Variants in IDH3A observed in about 807,000 individuals in gnomAD.
IDH3A encodes isocitrate dehydrogenase (NAD(+)) 3 catalytic subunit alpha.
Under a neutral mutation model 43.3 loss-of-function variants are expected in IDH3A, and 23 were observed. The observed-to-expected ratio is 0.53, with a 90% CI of 0.38 to 0.75. The LOEUF (loss-of-function observed/expected upper bound fraction) is 0.75, where lower values mean the gene tolerates loss of function less well. IDH3A is among the 30% of genes least tolerant of loss of function. The pLI is 0.00. For synonymous variants in IDH3A, 154 were observed against 163.5 expected (o/e 0.94, Z 0.44); for missense variants, 329 against 474.4 (o/e 0.69, Z 2.85).
intron 10 of IDH3A, among the ~76,000 whole-genome samples, chr15:78,166,852 G>A (rs1489594821): frequency 2.6e-5 from 4 of 151,926 alleles, no homozygotes; most frequent in South Asian, 2.1e-4. Flanking sequence ...GGTTGGTCTC[G>A]AACTCCTGAG....
intron 2 of IDH3A, 23 bp downstream of exon 2, chr15:78,155,298 T>C: frequency 1.3e-6 from 2 of 1,542,296 alleles, no homozygotes; most frequent in Non-Finnish European, 1.8e-6. Context: ...ATGTCTTTTA[T>C]TTTTTCCTTT....
At chr15:78,150,517 C>G (rs1856743609) in intron 1 of IDH3A, among the ~76,000 whole-genome samples, 1 of 152,206 alleles carries the variant, frequency 6.6e-6, no homozygotes, top group Non-Finnish European at 1.5e-5. Flanking sequence ...GATCTCTGTA[C>G]TGGAATTTAG....
At position 78,161,846 on chromosome 15, in the gene IDH3A, T is replaced by C; in HGVS notation, c.477+78T>C. 1.6e-6 allele frequency: 2 copies of C among 1,264,412 alleles called. No homozygotes were observed. Among genetic ancestry groups the C allele is most frequent in the South Asian group, 2.6e-5 (2 of 77,302 alleles). 78.3% of individuals were successfully genotyped at this position (1,264,412 alleles called of 1,614,324 possible). ...TCTGGGACCCCAGAGACAGATCTGC[T>C]TTATCTCTGTGAGGAGTTGTGGGTG... On this transcript the variant is annotated intron_variant, in intron 5 of 10. Coordinates refer to ENST00000299518, the MANE Select transcript of IDH3A (RefSeq NM_005530.3). The surrounding 1 kb of genome is among the most constrained non-coding windows in gnomAD (Gnocchi z 4.8).
Position 78,166,156 on chromosome 15 carries a change from G to A in IDH3A, c.871G>A (p.Gly291Arg). The A allele has an allele frequency of 6.2e-7, 1 of 1,613,796 alleles. No homozygotes were observed. ...NGVAIFESVH[G>R]TAPDIAGKDM... is the part of the protein sequence containing the mutation. The stretch of plus-strand genomic sequence containing the variant: ...TACTTTTCCCGATGTGTAGGTTCAT[G>A]GGACGGCTCCAGACATTGCAGGCAA... Residue 291 changes from glycine to arginine, a missense_variant, in exon 10 of 11, where the codon GGG becomes AGG. Physicochemically the swap from Gly to Arg is moderately radical, Grantham distance 125. This residue lies in a region of IDH3A where 91 missense variants were observed against 111.6 expected (regional missense o/e 0.82). Coordinates refer to ENST00000299518, the MANE Select transcript of IDH3A (RefSeq NM_005530.3).
At chr15:78,166,366 G>A in intron 10 of IDH3A, 64 bp downstream of exon 10, 1 of 1,511,204 alleles carries the variant, frequency 6.6e-7, no homozygotes, top group Non-Finnish European at 9.2e-7. Context: ...TTTTATCTGA[G>A]TGAAAGGGAC....
intron 5 of IDH3A, 65 bp from the exon 6 acceptor site, chr15:78,162,169 C>T: frequency 1.3e-6 from 2 of 1,585,126 alleles, no homozygotes; most frequent in Non-Finnish European, 1.7e-6. Flanking sequence ...CTACTCCCCA[C>T]CCTCTGTCTC....
chr15:78,167,330 A>G (rs893491431), intron 10 of IDH3A: 6 of 152,206 alleles, frequency 3.9e-5, no homozygotes, highest in Non-Finnish European at 7.3e-5. Flanking sequence ...CAGCTCCTAA[A>G]TGACCCAAGT....
intron 10 of IDH3A, among the ~76,000 whole-genome samples, chr15:78,166,734 C>A (rs1258609687): frequency 6.6e-6 from 1 of 152,178 alleles, no homozygotes; most frequent in Non-Finnish European, 1.5e-5. Context: ...CGGGTTCAAG[C>A]AGTTCTCCTG....
chr15:78,160,064 T>A (rs2074665804), intron 3 of IDH3A, 28 bp from the exon 4 acceptor site: 1 of 1,333,394 alleles, frequency 7.5e-7, no homozygotes, highest in South Asian at 1.2e-5. Context: ...TCTCTCCAGC[T>A]CACTGTGCTC....
chr15:78,163,132 GT>G (rs1484865029), intron 6 of IDH3A, among the ~76,000 whole-genome samples: 2 of 152,094 alleles, frequency 1.3e-5, no homozygotes, highest in African/African-American at 4.8e-5. Context: ...TATATTAACA[GT>G]TTTCCTAACC....
intron 3 of IDH3A, 92 bp downstream of exon 3, chr15:78,157,723 C>A: frequency 1.3e-6 from 1 of 784,508 alleles, no homozygotes; most frequent in African/African-American, 1.7e-5. Context: ...TGCATTGTAC[C>A]CATTTCTATG....
At chr15:78,152,357 C>CTT (rs33914139) in intron 1 of IDH3A, among the ~76,000 whole-genome samples, 2,761 of 80,730 alleles carry the variant, frequency 0.034, 150 homozygotes, top group African/African-American at 0.094. Context: ...TGCGCCCGGC[C>CTT]TTTTTTTTTT....
intron 8 of IDH3A, among the ~76,000 whole-genome samples, chr15:78,164,369 T>TC (rs2074716423): frequency 6.6e-6 from 1 of 151,530 alleles, no homozygotes; most frequent in Non-Finnish European, 1.5e-5. Context: ...TTTTTTTTTT[T>TC]TGAGGCAGAG....
In IDH3A at chr15:78,169,004, A is replaced by G; in HGVS notation, c.1100A>G (p.Ter367=). 6.3e-7 allele frequency: 1 copy of G among 1,587,486 alleles called. No homozygotes were observed. Among genetic ancestry groups the G allele is most frequent in the Non-Finnish European group, 8.6e-7 (1 of 1,157,512 alleles). ...EICRRVKDLD[*] is the part of the protein sequence containing the mutation. ...TGTCGCCGAGTAAAAGATTTAGATT[A>G]ACACTTCTACAACTGGCATTTACAT... The change falls in exon 11 of 11, where the codon TAA becomes TGA. Residue 367 remains the stop codon, a stop_retained_variant. Transcript: ENST00000299518.
Position 78,171,676 on chromosome 15 carries a change from T to C in IDH3A, c.*2671T>C. 1 of 627,102 alleles carries C rather than the reference T, an allele frequency of 1.6e-6. No individual in the cohort carries two copies. The highest frequency in any genetic ancestry group is 2.8e-6 in the Non-Finnish European group (1 of 352,326). The allele number at this position is 627,102 out of a possible 1,614,324, so 38.8% of individuals were successfully genotyped here. On this transcript the variant is annotated 3_prime_UTR_variant, in exon 11 of 11. Coordinates refer to ENST00000299518, the MANE Select transcript of IDH3A (RefSeq NM_005530.3). ...CGTCAGTAGCCAGCCTCCAAGACAGTGATCGCTCCTGGTATTCATATGGCT... is the reference window on the plus strand; with the variant it reads ...CGTCAGTAGCCAGCCTCCAAGACAGCGATCGCTCCTGGTATTCATATGGCT...
intron 9 of IDH3A, among the ~76,000 whole-genome samples, chr15:78,165,795 C>T (rs562400166): frequency 6.6e-6 from 1 of 151,790 alleles, no homozygotes; most frequent in South Asian, 2.1e-4. Flanking sequence ...CTTAAGCAAT[C>T]CTCCTGCCTC....
intron 9 of IDH3A, among the ~76,000 whole-genome samples, chr15:78,165,379 T>C (rs1595871534): frequency 6.6e-6 from 1 of 151,890 alleles, no homozygotes; most frequent in Admixed American, 6.6e-5. Flanking sequence ...TTAGTAGAGA[T>C]GGGGTTTCAC....
chr15:78,156,324 A>T (rs1309223720), intron 2 of IDH3A, among the ~76,000 whole-genome samples: 1 of 152,084 alleles, frequency 6.6e-6, no homozygotes, highest in Non-Finnish European at 1.5e-5. Flanking sequence ...TTTTTTAAAG[A>T]CTTCTTCAAC....
At chr15:78,152,742 G>T (rs1163720363) in intron 1 of IDH3A, among the ~76,000 whole-genome samples, 1 of 152,088 alleles carries the variant, frequency 6.6e-6, no homozygotes, top group Non-Finnish European at 1.5e-5. Flanking sequence ...AAAGTTCTGG[G>T]TCATTGTGAT....
Sources: allele counts gnomAD v4.1 joint callset (sites outside exome capture counted in the v4.1 genomes callset), GRCh38; gene constraint gnomAD v4.1.1; regional missense constraint gnomAD v4.1.1; non-coding constraint Gnocchi (gnomAD v3.1); transcripts MANE v1.5; gene names NCBI Gene and HGNC (gene_info 2026-07-23, HGNC 2026-07-21).